Variants in CCSER1 observed in about 807,000 individuals in gnomAD.
CCSER1 encodes coiled-coil serine rich protein 1, also known as serine-rich coiled-coil domain-containing protein 1.
CCSER1 carries 41 observed loss-of-function variants against 82.0 expected under a neutral mutation model. The ratio of observed to expected loss-of-function variants is 0.50; its 90% CI spans 0.39 to 0.65. The LOEUF is 0.65. CCSER1 is among the 30% of genes least tolerant of loss of function. The pLI is 0.00. For missense variants in CCSER1, 1,119 were observed against 1,064.2 expected, an observed-to-expected ratio of 1.05 and a Z score of -0.72; for synonymous variants, 414 against 383.9, an observed-to-expected ratio of 1.08 and a Z score of -0.92.
chr4:90,491,983 T>A (rs887659443), intron 5 of CCSER1, among the ~76,000 whole-genome samples: 1 of 152,198 alleles, frequency 6.6e-6, no homozygotes, highest in Non-Finnish European at 1.5e-5. Context: ...ATTCTCTTTT[T>A]TTGTTGTGTC....
chr4:90,127,979 C>T (rs1413927602), intron 1 of CCSER1, 148 bp downstream of exon 1: 4 of 151,850 alleles, frequency 2.6e-5, no homozygotes, highest in African/African-American at 9.6e-5. Flanking sequence ...GCGCCCAGGC[C>T]CGGCGTGCTC....
At chr4:91,466,415 G>A (rs542079473) in intron 10 of CCSER1, among the ~76,000 whole-genome samples, 200 of 152,156 alleles carry the variant, frequency 1.3e-3, no homozygotes, top group African/African-American at 4.7e-3. Flanking sequence ...TGGGCAGAAA[G>A]TGGAAGCATT....
At chr4:91,037,933 AT>A (rs1297832568) in intron 9 of CCSER1, among the ~76,000 whole-genome samples, 1 of 151,950 alleles carries the variant, frequency 6.6e-6, no homozygotes, top group African/African-American at 2.4e-5. Context: ...AATATGAAAA[AT>A]TTTTTTTCTT....
intron 10 of CCSER1, among the ~76,000 whole-genome samples, chr4:91,564,978 G>T (rs1207744360): frequency 6.6e-6 from 1 of 150,686 alleles, no homozygotes; most frequent in African/African-American, 2.4e-5. Flanking sequence ...GTCTTTCAGG[G>T]TTTTTATCAT....
chr4:90,683,796 A>G (rs1457381229), intron 6 of CCSER1, among the ~76,000 whole-genome samples: 1 of 152,160 alleles, frequency 6.6e-6, no homozygotes, highest in Non-Finnish European at 1.5e-5. Context: ...ATTTAAAAAA[A>G]AAGATAATGT....
rs1764718654 is a variant in CCSER1 at position 91,599,137 on chromosome 4, T to G, written c.*80T>G. 1 of 1,392,880 alleles carries G rather than the reference T, an allele frequency of 7.2e-7. No individual in the cohort carries two copies. Among genetic ancestry groups the G allele is most frequent in the Non-Finnish European group, 9.5e-7 (1 of 1,057,074 alleles). 86.3% of individuals were successfully genotyped at this position (1,392,880 alleles called of 1,614,324 possible). A position where few individuals can be genotyped will look rare whatever the true frequency, so the allele number is the denominator to read the frequency against. ...TGCATAGTTCATATTAAAATTGTCA[T>G]GTACTTTTTCTTACATTTTAGTTAT... is the stretch of plus-strand genomic sequence containing the variant. On this transcript the variant is annotated 3_prime_UTR_variant, in exon 11 of 11. Coordinates refer to ENST00000509176, the MANE Select transcript of CCSER1 (RefSeq NM_001145065.2).
chr4:90,835,601 T>C (rs1464076049), intron 8 of CCSER1, among the ~76,000 whole-genome samples: 2 of 152,130 alleles, frequency 1.3e-5, no homozygotes, highest in African/African-American at 4.8e-5. Context: ...GCATATTTTA[T>C]TTAAATCTGG....
At chr4:90,477,335 T>C (rs183372270) in intron 5 of CCSER1, among the ~76,000 whole-genome samples, 100 of 152,338 alleles carry the variant, frequency 6.6e-4, no homozygotes, top group African/African-American at 2.0e-3. Context: ...CGGGTACTAC[T>C]GTTATTGAAG....
At chr4:90,890,227 C>T (rs1483500849) in intron 8 of CCSER1, among the ~76,000 whole-genome samples, 3 of 151,956 alleles carry the variant, frequency 2.0e-5, no homozygotes, top group Non-Finnish European at 4.4e-5. Flanking sequence ...ACCTGGATTC[C>T]GATATTTGGT....
rs566989147 is a variant in CCSER1, at chr4:90,531,973, A to T, written c.1724+63619A>T. Among the ~76,000 whole-genome samples the T allele has an allele frequency of 2.6e-5, 4 of 152,276 alleles. No individual in the cohort carries two copies. The South Asian group carries it at 8.3e-4, about 32-fold the overall frequency. On this transcript the variant is annotated intron_variant, in intron 5 of 10. Transcript: ENST00000509176. ...AAAGGTGTTTACAATAGGTAACATAAAGCTAAATTCTTAGAATTTGATTTT... is the reference window on the plus strand; with the variant it reads ...AAAGGTGTTTACAATAGGTAACATATAGCTAAATTCTTAGAATTTGATTTT...
chr4:91,341,739 C>T (rs944517576), intron 10 of CCSER1, among the ~76,000 whole-genome samples: 1 of 152,262 alleles, frequency 6.6e-6, no homozygotes, highest in East Asian at 1.9e-4. Flanking sequence ...AACAGGGTTT[C>T]ACCATGTTGG....
At chr4:90,778,581 A>G (rs1324437710) in intron 7 of CCSER1, among the ~76,000 whole-genome samples, 1 of 151,760 alleles carries the variant, frequency 6.6e-6, no homozygotes, top group Non-Finnish European at 1.5e-5. Context: ...TTTTAAAAAA[A>G]TCTATCATTC....
chr4:91,406,839 G>A (rs572035107), intron 10 of CCSER1, among the ~76,000 whole-genome samples: 137 of 152,176 alleles, frequency 9.0e-4, no homozygotes, highest in African/African-American at 3.1e-3. Context: ...AAGTTTCTAA[G>A]TCCTCAGTTT....
chr4:90,481,710 G>A (rs9683774), intron 5 of CCSER1, among the ~76,000 whole-genome samples: 2,423 of 152,288 alleles, frequency 0.016, 40 homozygotes, highest in African/African-American at 0.047. Flanking sequence ...TTGCATCCCA[G>A]GGATGAAGCC....
chr4:90,857,846 T>G (rs538309675), intron 8 of CCSER1, among the ~76,000 whole-genome samples: 1 of 152,166 alleles, frequency 6.6e-6, no homozygotes, highest in South Asian at 2.1e-4. Context: ...TAATAGTGTA[T>G]TGTATTCAGG....
chr4:90,454,084 G>T (rs1761852368), intron 4 of CCSER1, among the ~76,000 whole-genome samples: 1 of 152,158 alleles, frequency 6.6e-6, no homozygotes, highest in African/African-American at 2.4e-5. Context: ...GGTCAAGGTG[G>T]CTTTCTCATG....
chr4:90,587,562 A>T (rs1782176460), intron 5 of CCSER1, among the ~76,000 whole-genome samples: 1 of 152,188 alleles, frequency 6.6e-6, no homozygotes, highest in African/African-American at 2.4e-5. Flanking sequence ...ACAGTACATG[A>T]TTATTAATAA....
intron 1 of CCSER1, among the ~76,000 whole-genome samples, chr4:90,232,733 G>C (rs1428878706): frequency 3.4e-5 from 5 of 146,806 alleles, no homozygotes; most frequent in Admixed American, 2.0e-4. Flanking sequence ...ATCTGACAAA[G>C]GGCTAATATC....
intron 9 of CCSER1, among the ~76,000 whole-genome samples, chr4:90,967,478 G>T (rs976022370): frequency 6.6e-6 from 1 of 151,708 alleles, no homozygotes; most frequent in Admixed American, 6.6e-5. Flanking sequence ...TTCAACCCAT[G>T]GTGCTGGGAC....
Sources: gnomAD v4.1 joint callset for allele counts (sites outside exome capture counted in the v4.1 genomes callset) on GRCh38, gnomAD v4.1.1 for gene constraint, MANE v1.5 for transcripts, NCBI Gene and HGNC (gene_info 2026-07-23, HGNC 2026-07-21) for gene names.